SYNPO2: variants seen among roughly 807,000 people sequenced by gnomAD.
SYNPO2 encodes the protein synaptopodin 2, also known as synaptopodin-2.
A neutral mutation model predicts 85.0 loss-of-function variants in SYNPO2; 56 were observed. The ratio of observed to expected loss-of-function variants is 0.66; its 90% CI spans 0.53 to 0.82. SYNPO2 has a LOEUF of 0.82. SYNPO2 is among the 40% of genes least tolerant of loss of function. SYNPO2 has a pLI of 0.00. For missense variants in SYNPO2, 1,575 were observed against 1,534.2 expected, an observed-to-expected ratio of 1.03 and a Z score of -0.44; for synonymous variants, 602 against 591.1, an observed-to-expected ratio of 1.02 and a Z score of -0.27.
intron 1 of SYNPO2, among the ~76,000 whole-genome samples, chr4:118,939,995 G>T (rs12498730): frequency 0.043 from 3,944 of 92,358 alleles, 29 homozygotes; most frequent in African/African-American, 0.066. Flanking sequence ...TTTTTTTTTT[G>T]TTTTTTTTTG....
chr4:118,887,351 A>G (rs185307369), upstream of SYNPO2, among the ~76,000 whole-genome samples: 105 of 152,268 alleles, frequency 6.9e-4, no homozygotes, highest in African/African-American at 2.3e-3. Flanking sequence ...ATTATTTTCA[A>G]AAAAAATTCA....
At chr4:118,914,227 A>G (rs1331030021) in intron 1 of SYNPO2, among the ~76,000 whole-genome samples, 1 of 152,196 alleles carries the variant, frequency 6.6e-6, no homozygotes, top group Non-Finnish European at 1.5e-5. Flanking sequence ...AATAAATTGA[A>G]TTTAAGTTAT....
intron 1 of SYNPO2, among the ~76,000 whole-genome samples, chr4:118,925,212 T>C (rs1408952451): frequency 1.3e-5 from 2 of 152,162 alleles, no homozygotes; most frequent in Non-Finnish European, 2.9e-5. Flanking sequence ...TAGGGAGACA[T>C]GAGGATGGCA....
chr4:118,881,572 CAGCCCTGGGCTTTGTGT>C (rs1177743955), intron 1 of SYNPO2, among the ~76,000 whole-genome samples: 1 of 152,228 alleles, frequency 6.6e-6, no homozygotes, highest in Non-Finnish European at 1.5e-5. Flanking sequence ...AGCAAGGCAA[CAGCCCTGGGCTTTGTGT>C]AAAAGAAAGA....
At chr4:118,953,868 C>T (rs1338564926) in intron 1 of SYNPO2, among the ~76,000 whole-genome samples, 9 of 152,134 alleles carry the variant, frequency 5.9e-5, no homozygotes, top group Non-Finnish European at 1.3e-4. Flanking sequence ...CAGTGAACTC[C>T]TCTCTAACAA....
intron 1 of SYNPO2, among the ~76,000 whole-genome samples, chr4:118,890,697 T>TTCTCTCTCTCTCTCTCTCTC (rs796242049): frequency 0.016 from 1,287 of 81,658 alleles, 94 homozygotes; most frequent in Non-Finnish European, 0.022. Flanking sequence ...TCTCATCGGT[T>TTCTCTCTCTCTCTCTCTCTC]TCTCTCTCTC....
chr4:119,014,151 G>T (rs190369385), intron 1 of SYNPO2, among the ~76,000 whole-genome samples: 1 of 152,138 alleles, frequency 6.6e-6, no homozygotes, highest in African/African-American at 2.4e-5. Flanking sequence ...GACCAGACAC[G>T]GTGGCTCACA....
intron 1 of SYNPO2, among the ~76,000 whole-genome samples, chr4:118,900,102 A>G (rs982905644): frequency 6.6e-6 from 1 of 152,196 alleles, no homozygotes; most frequent in African/African-American, 2.4e-5. Flanking sequence ...TTGGGTTAGA[A>G]ATTCTTCTTC....
At chr4:118,929,199 G>A (rs1578559373) in intron 1 of SYNPO2, among the ~76,000 whole-genome samples, 2 of 151,964 alleles carry the variant, frequency 1.3e-5, no homozygotes, top group East Asian at 3.9e-4. Context: ...GAAAGGAAGA[G>A]GAGAAAGAAG....
At chr4:118,958,775 A>T in intron 1 of SYNPO2, among the ~76,000 whole-genome samples, 1 of 152,230 alleles carries the variant, frequency 6.6e-6, no homozygotes, top group East Asian at 1.9e-4. Context: ...TGACTTGGTT[A>T]GGAGAAATGT....
At chr4:118,924,640 A>G (rs1733654786) in intron 1 of SYNPO2, among the ~76,000 whole-genome samples, 1 of 152,218 alleles carries the variant, frequency 6.6e-6, no homozygotes, top group South Asian at 2.1e-4. Flanking sequence ...ATCCTGAGAT[A>G]TATGGCACAC....
At chr4:118,879,201 C>T (rs928260356) in intron 1 of SYNPO2, among the ~76,000 whole-genome samples, 1 of 152,164 alleles carries the variant, frequency 6.6e-6, no homozygotes, top group Non-Finnish European at 1.5e-5. Flanking sequence ...AGAACGGTAA[C>T]ACTCACCGAT....
chr4:119,003,079 G>T lies in SYNPO2; in HGVS notation c.106-20351G>T, dbSNP rs142326866. ...CCTTTTATTTTTATCTTTTTGTCTT[G>T]CTGTATTAGTCCACTGCTGTATTAG... On this transcript the variant is annotated intron_variant, in intron 1 of 4. Transcript: ENST00000307142. Among the ~76,000 whole-genome samples the T allele has an allele frequency of 2.1e-3, 314 of 151,712 alleles. 2 individuals are homozygous for T. The highest frequency in any genetic ancestry group is 0.015 in the East Asian group (77 of 5,166).
In SYNPO2 at chr4:119,026,938, C is replaced by T; in HGVS notation, c.569C>T (p.Ala190Val). The T allele has an allele frequency of 6.2e-7, 1 of 1,614,150 alleles. No homozygotes were observed. Among genetic ancestry groups the T allele is most frequent in the Non-Finnish European group, 8.5e-7 (1 of 1,180,034 alleles). Residue 190 changes from alanine (A) to valine (V), a missense_variant, in exon 3 of 5, where the codon GCG (alanine) becomes GTG (valine). By Grantham distance (64) the Ala-to-Val change is moderately conservative (BLOSUM62 0). Transcript: ENST00000307142. ...EELILREKVE[A>V]VQPGPVVELQ... ...CTGATCTTAAGGGAGAAGGTAGAAGCGGTACAGCCTGGGCCTGTGGTTGAG... is the reference window on the plus strand; with the variant it reads ...CTGATCTTAAGGGAGAAGGTAGAAGTGGTACAGCCTGGGCCTGTGGTTGAG...
chr4:118,956,732 A>G (rs1734889980), intron 1 of SYNPO2, among the ~76,000 whole-genome samples: 1 of 152,122 alleles, frequency 6.6e-6, no homozygotes, highest in South Asian at 2.1e-4. Context: ...CCTTAGGCAC[A>G]TAGAGAATAG....
chr4:118,978,416 TA>T (rs1735873461), intron 1 of SYNPO2, among the ~76,000 whole-genome samples: 2 of 152,214 alleles, frequency 1.3e-5, no homozygotes, highest in South Asian at 4.1e-4. Context: ...AAAAGTGCAG[TA>T]AAACACAAAA....
chr4:118,882,380 A>G (rs1201543710), intron 1 of SYNPO2, among the ~76,000 whole-genome samples: 4 of 152,004 alleles, frequency 2.6e-5, no homozygotes, highest in African/African-American at 9.7e-5. Context: ...AATTATCTTT[A>G]CTCTTTCTGT....
intron 1 of SYNPO2, among the ~76,000 whole-genome samples, chr4:118,923,343 T>A (rs1192346833): frequency 6.6e-6 from 1 of 151,948 alleles, no homozygotes; most frequent in African/African-American, 2.4e-5. Flanking sequence ...AGCTAAACAT[T>A]GAGTACACAT....
At chr4:118,876,671 T>TCCTTCCTTCCTTCCTTTC (rs1731920678) in intron 1 of SYNPO2, among the ~76,000 whole-genome samples, 1 of 2,070 alleles carries the variant, frequency 4.8e-4, no homozygotes, top group African/African-American at 1.5e-3. Context: ...TCCTTTCTCT[T>TCCTTCCTTCCTTCCTTTC]TCTTTCTTTC....
Sources: allele counts gnomAD v4.1 joint callset (sites outside exome capture counted in the v4.1 genomes callset), GRCh38; gene constraint gnomAD v4.1.1; transcripts MANE v1.5; gene names NCBI Gene and HGNC (gene_info 2026-07-23, HGNC 2026-07-21).